The following ATXN1 variants were observed in gnomAD, a reference collection of about 807,000 sequenced individuals.
The protein encoded by ATXN1 is ataxin 1.
A neutral mutation model predicts 56.4 loss-of-function variants in ATXN1; 8 were observed. The observed-to-expected ratio is 0.14, with a 90% CI of 0.08 to 0.26. ATXN1 has a LOEUF of 0.26. Ranked by LOEUF, ATXN1 falls within the 10% of genes least tolerant of loss-of-function variation. ATXN1 has a pLI of 1.00. For missense variants in ATXN1, 987 were observed against 1,106.5 expected (o/e 0.89, Z 1.53); for synonymous variants, 514 against 494.6 (o/e 1.04, Z -0.52).
At chr6:16,556,029 A>G (rs1043390644) in intron 4 of ATXN1, among the ~76,000 whole-genome samples, 1 of 152,224 alleles carries the variant, frequency 6.6e-6, no homozygotes, top group African/African-American at 2.4e-5. Context: ...GAATCAACAT[A>G]TAAACATGTT....
chr6:16,698,651 A>T (rs60077871), intron 2 of ATXN1, among the ~76,000 whole-genome samples: 2,556 of 14,918 alleles, frequency 0.17, 29 homozygotes, highest in African/African-American at 0.2. Flanking sequence ...CTCAAAAATT[A>T]AAAAAAAAAA....
intron 6 of ATXN1, among the ~76,000 whole-genome samples, chr6:16,449,494 T>G (rs977728138): frequency 1.4e-4 from 22 of 152,092 alleles, no homozygotes; most frequent in Non-Finnish European, 3.1e-4. Context: ...TATGAGTTTC[T>G]TCTTCTTCTT....
At chr6:16,746,218 A>T (rs1314517252) in intron 2 of ATXN1, among the ~76,000 whole-genome samples, 1 of 152,148 alleles carries the variant, frequency 6.6e-6, no homozygotes, top group Non-Finnish European at 1.5e-5. Context: ...CTCTCTGTCT[A>T]TGAAACAAAT....
chr6:16,561,858 C>T (rs1354014033), intron 4 of ATXN1, among the ~76,000 whole-genome samples: 6 of 152,090 alleles, frequency 3.9e-5, no homozygotes, highest in Non-Finnish European at 8.8e-5. Flanking sequence ...ATGGGGAAGC[C>T]TGGGCTGCAA....
intron 6 of ATXN1, among the ~76,000 whole-genome samples, chr6:16,427,866 G>T (rs1216899257): frequency 6.6e-6 from 1 of 152,190 alleles, no homozygotes; most frequent in Non-Finnish European, 1.5e-5. Context: ...GGGTTGTCTT[G>T]AAATGCTCTG....
chr6:16,654,337 A>AG (rs1758144604), intron 3 of ATXN1, among the ~76,000 whole-genome samples: 1 of 152,164 alleles, frequency 6.6e-6, no homozygotes, highest in Admixed American at 6.5e-5. Flanking sequence ...TGAGATCAAG[A>AG]GATCAAGACC....
chr6:16,472,065 T>C (rs1304449073), intron 6 of ATXN1, among the ~76,000 whole-genome samples: 1 of 152,178 alleles, frequency 6.6e-6, no homozygotes, highest in African/African-American at 2.4e-5. Flanking sequence ...CAGCTTAGAA[T>C]GGTTACAGCG....
chr6:16,560,675 C>T (rs1762100404), intron 4 of ATXN1, among the ~76,000 whole-genome samples: 1 of 152,190 alleles, frequency 6.6e-6, no homozygotes, highest in South Asian at 2.1e-4. Flanking sequence ...TCTACCACTC[C>T]TGCAGAGATT....
chr6:16,463,081 T>C (rs777331792), intron 6 of ATXN1, among the ~76,000 whole-genome samples: 9 of 152,016 alleles, frequency 5.9e-5, no homozygotes, highest in Admixed American at 2.0e-4. Flanking sequence ...AATGGGAAAA[T>C]AGAGCACAGG....
intron 2 of ATXN1, among the ~76,000 whole-genome samples, chr6:16,745,875 A>T (rs943757218): frequency 2.2e-4 from 34 of 151,778 alleles, no homozygotes; most frequent in Admixed American, 2.0e-4. Context: ...TATACCTCAA[A>T]TGCAGCACTT....
Position 16,328,468 on chromosome 6 carries a change from A to T in ATXN1, c.-158T>A, listed in dbSNP as rs1581693224. 4.8e-6 allele frequency: 6 copies of T among 1,253,430 alleles called. No individual in the cohort carries two copies. The East Asian group carries it at 1.7e-4, about 35-fold the overall frequency. 77.6% of individuals were successfully genotyped at this position (1,253,430 alleles called of 1,614,324 possible). A position where few individuals can be genotyped will look rare whatever the true frequency, so the allele number is the denominator to read the frequency against. ...TACAATCCGCCAACAGCAGCTCTGG[A>T]TGCTGGGAAAGGGAAGAGGGCAGTG... is the stretch of plus-strand genomic sequence containing the variant. On this transcript the variant is annotated splice_region_variant and 5_prime_UTR_variant, in exon 7 of 8. Coordinates refer to ENST00000436367, the MANE Select transcript of ATXN1 (RefSeq NM_001128164.2). This position sits in a 1 kb window ranked among gnomAD's most constrained non-coding sequence, Gnocchi z 6.2.
rs1158211025 is a variant in ATXN1 at position 16,506,448 on chromosome 6, G to A, written c.-299+16179C>T. Among the ~76,000 whole-genome samples the A allele has an allele frequency of 6.6e-6, 1 of 152,130 alleles. No homozygotes were observed. The highest frequency in any genetic ancestry group is 1.5e-5 in the Non-Finnish European group (1 of 68,018). The stretch of plus-strand genomic sequence containing the variant: ...CCAGAAAATAAGACATTCTGATGGA[G>A]ATCAGGCCACAAGACAGTAGTTCAG... On this transcript the variant is annotated intron_variant, in intron 5 of 7. Transcript: ENST00000436367. This position sits in a 1 kb window ranked among gnomAD's most constrained non-coding sequence, Gnocchi z 4.1.
intron 4 of ATXN1, among the ~76,000 whole-genome samples, chr6:16,566,741 AGCTACTCGGGAG>A (rs1762229658): frequency 6.6e-6 from 1 of 152,072 alleles, no homozygotes; most frequent in Non-Finnish European, 1.5e-5. Context: ...CTGTAATCTC[AGCTACTCGGGAG>A]GCTGAGGCAG....
intron 6 of ATXN1, among the ~76,000 whole-genome samples, chr6:16,330,298 C>T (rs913895454): frequency 5.9e-5 from 9 of 152,244 alleles, no homozygotes; most frequent in African/African-American, 1.7e-4. Context: ...ACACTGAAAT[C>T]CCTACTGAAA....
rs1760153224 is a variant in ATXN1, at chr6:16,303,127, C to T, written c.*3202G>A. 1 of 152,954 alleles carries T rather than the reference C, an allele frequency of 6.5e-6. No homozygotes were observed. The highest frequency in any genetic ancestry group is 1.5e-5 in the Non-Finnish European group (1 of 68,280). The allele number at this position is 152,954 out of a possible 1,614,324, so 9.5% of individuals were successfully genotyped here. A position where few individuals can be genotyped will look rare whatever the true frequency, so the allele number is the denominator to read the frequency against. Reference sequence around the variant, plus strand: ...CAGGCTCAGAGGCAGGGCTCCAAGTCTCAAGGACACAGACCCCGAGGAGGG... The same window carrying T: ...CAGGCTCAGAGGCAGGGCTCCAAGTTTCAAGGACACAGACCCCGAGGAGGG... On this transcript the variant is annotated 3_prime_UTR_variant, in exon 8 of 8. Coordinates refer to ENST00000436367, the MANE Select transcript of ATXN1 (RefSeq NM_001128164.2). This position sits in a 1 kb window ranked among gnomAD's most constrained non-coding sequence, Gnocchi z 4.3.
intron 4 of ATXN1, among the ~76,000 whole-genome samples, chr6:16,536,094 G>A (rs1761591922): frequency 6.6e-6 from 1 of 152,060 alleles, no homozygotes; most frequent in Non-Finnish European, 1.5e-5. Context: ...GCCTATGCCT[G>A]TAGTCCCAGC....
intron 7 of ATXN1, among the ~76,000 whole-genome samples, chr6:16,320,538 A>T (rs1163160475): frequency 6.6e-6 from 1 of 152,258 alleles, no homozygotes; most frequent in Non-Finnish European, 1.5e-5. Context: ...TGTACTCTTC[A>T]GAGAAGCTGA....
In ATXN1 at chr6:16,301,670, C is replaced by T. The variant is rs962206487; in HGVS notation, c.*4659G>A. On this transcript the variant is annotated 3_prime_UTR_variant, in exon 8 of 8. Transcript: ENST00000436367. ...GAATTGGGCCATGGAGTCTGCTGGC[C>T]CTGTTTTCACCTGGTGCAAATTGAA... is the stretch of plus-strand genomic sequence containing the variant. The T allele has an allele frequency of 3.3e-5, 5 of 152,332 alleles. No individual in the cohort carries two copies. The highest frequency in any genetic ancestry group is 1.2e-4 in the African/African-American group (5 of 41,334). 9.4% of individuals were successfully genotyped at this position (152,332 alleles called of 1,614,324 possible).
At chr6:16,753,801 G>A (rs1171441496) in intron 1 of ATXN1, among the ~76,000 whole-genome samples, 1 of 152,122 alleles carries the variant, frequency 6.6e-6, no homozygotes, top group Non-Finnish European at 1.5e-5. Flanking sequence ...AAAGTGCACA[G>A]CTATTAGCAT....
Sources: gnomAD v4.1 joint callset for allele counts (sites outside exome capture counted in the v4.1 genomes callset) on GRCh38, gnomAD v4.1.1 for gene constraint, Gnocchi (gnomAD v3.1) non-coding constraint, MANE v1.5 for transcripts, NCBI Gene and HGNC (gene_info 2026-07-23, HGNC 2026-07-21) for gene names.